IGSF11: variants seen among roughly 807,000 people sequenced by gnomAD.
IGSF11 encodes the protein immunoglobulin superfamily member 11.
A neutral mutation model predicts 41.0 loss-of-function variants in IGSF11; 22 were observed. The observed-to-expected ratio is 0.54, with a 90% confidence interval of 0.38 to 0.77. The LOEUF (loss-of-function observed/expected upper bound fraction) is 0.77. IGSF11 is among the 30% of genes least tolerant of loss of function. The probability of loss-of-function intolerance (pLI) is 0.00; values close to 1 mark genes in which losing one functional copy is unlikely to be tolerated. For missense variants in IGSF11, 444 were observed against 530.8 expected, an observed-to-expected ratio of 0.84 and a Z score of 1.61; for synonymous variants, 219 against 201.3, an observed-to-expected ratio of 1.09 and a Z score of -0.74.
At position 118,900,666 on chromosome 3, in the gene IGSF11, T is replaced by C. The variant is rs946984768; in HGVS notation, c.*1854A>G. 49 of 152,650 alleles carry C rather than the reference T, an allele frequency of 3.2e-4. No individual in the cohort carries two copies. Among genetic ancestry groups the C allele is most frequent in the African/African-American group, 1.1e-3 (47 of 41,566 alleles). The allele number at this position is 152,650 out of a possible 1,614,324, so 9.5% of individuals were successfully genotyped here. ...TAAAATTTTATTGAATTTTAGATAA[T>C]TAGAAAGAATAAAGAAATGCAAGAT... On this transcript the variant is annotated 3_prime_UTR_variant, in exon 7 of 7. Coordinates refer to ENST00000393775, the MANE Select transcript of IGSF11 (RefSeq NM_001015887.3).
chr3:118,908,514 C>T (rs1273822600), intron 4 of IGSF11, among the ~76,000 whole-genome samples: 2 of 152,184 alleles, frequency 1.3e-5, no homozygotes, highest in South Asian at 2.1e-4. Context: ...AACTAGCAGG[C>T]TAATTCTGCC....
chr3:119,128,765 A>C (rs1420254985), intron 1 of IGSF11, among the ~76,000 whole-genome samples: 1 of 152,224 alleles, frequency 6.6e-6, no homozygotes, highest in East Asian at 1.9e-4. Flanking sequence ...GCAATTCCTC[A>C]AGAATCTAGA....
intron 1 of IGSF11, among the ~76,000 whole-genome samples, chr3:119,120,363 G>T (rs1387126770): frequency 3.3e-5 from 5 of 152,208 alleles, no homozygotes; most frequent in African/African-American, 1.2e-4. Context: ...TTTGTCTGGG[G>T]TATATACCCT....
intron 1 of IGSF11, among the ~76,000 whole-genome samples, chr3:118,954,189 T>C (rs1944792083): frequency 6.6e-6 from 1 of 152,084 alleles, no homozygotes; most frequent in Admixed American, 6.6e-5. Flanking sequence ...TCTTTTTCTT[T>C]GCTTTGTTGA....
At chr3:119,055,547 C>T (rs1559840314) in intron 1 of IGSF11, among the ~76,000 whole-genome samples, 1 of 152,172 alleles carries the variant, frequency 6.6e-6, no homozygotes, top group Non-Finnish European at 1.5e-5. Context: ...CCACTGTCAA[C>T]ATTAGACAGA....
intron 1 of IGSF11, among the ~76,000 whole-genome samples, chr3:119,133,010 GA>G (rs1224616919): frequency 6.6e-6 from 1 of 152,134 alleles, no homozygotes; most frequent in Admixed American, 6.5e-5. Context: ...GATGTTCTTT[GA>G]AACCAATGAG....
intron 1 of IGSF11, among the ~76,000 whole-genome samples, chr3:119,025,590 T>C (rs1409128882): frequency 6.6e-6 from 1 of 152,108 alleles, no homozygotes; most frequent in African/African-American, 2.4e-5. Context: ...TTAAATAACA[T>C]TCTCAAAGTC....
At chr3:119,072,819 C>T (rs1337323310) in intron 1 of IGSF11, among the ~76,000 whole-genome samples, 2 of 152,104 alleles carry the variant, frequency 1.3e-5, no homozygotes, top group African/African-American at 2.4e-5. Flanking sequence ...GAAGGGGACC[C>T]GAGCAGGTTG....
At chr3:118,927,857 A>G (rs1249693362) in intron 3 of IGSF11, among the ~76,000 whole-genome samples, 2 of 152,246 alleles carry the variant, frequency 1.3e-5, no homozygotes, top group Non-Finnish European at 2.9e-5. Context: ...AGTGTGAGAC[A>G]GTCTAACAAC....
At chr3:118,992,974 C>T (rs1031089877) in intron 1 of IGSF11, among the ~76,000 whole-genome samples, 1 of 152,128 alleles carries the variant, frequency 6.6e-6, no homozygotes, top group East Asian at 1.9e-4. Flanking sequence ...ATCTAGAATA[C>T]CAGCACCTTG....
chr3:119,094,342 G>T (rs1270785299), intron 1 of IGSF11, among the ~76,000 whole-genome samples: 3 of 147,842 alleles, frequency 2.0e-5, no homozygotes, highest in Admixed American at 6.8e-5. Flanking sequence ...GAACAACAAG[G>T]TACTCCTATA....
At chr3:119,072,621 CA>C (rs1206063767) in intron 1 of IGSF11, among the ~76,000 whole-genome samples, 1 of 152,126 alleles carries the variant, frequency 6.6e-6, no homozygotes, top group East Asian at 1.9e-4. Context: ...GTAAGTGTTA[CA>C]GCTCTTAAGG....
intron 1 of IGSF11, among the ~76,000 whole-genome samples, chr3:118,946,447 A>T (rs1469212527): frequency 3.5e-5 from 4 of 112,994 alleles, no homozygotes; most frequent in South Asian, 4.6e-4. Context: ...TATTTTACTT[A>T]AAAAAAAAAA....
chr3:118,985,813 C>A (rs1348555879), intron 1 of IGSF11, among the ~76,000 whole-genome samples: 1 of 152,156 alleles, frequency 6.6e-6, no homozygotes, highest in Non-Finnish European at 1.5e-5. Flanking sequence ...GCACCAGCTT[C>A]TTGATATGTC....
At chr3:119,002,115 A>G (rs1380774994) in intron 1 of IGSF11, among the ~76,000 whole-genome samples, 1 of 135,576 alleles carries the variant, frequency 7.4e-6, no homozygotes, top group Non-Finnish European at 1.6e-5. Context: ...CTATTTCTCC[A>G]CATCCTCTCC....
chr3:119,078,944 A>T (rs1468738819), intron 1 of IGSF11, among the ~76,000 whole-genome samples: 5 of 152,214 alleles, frequency 3.3e-5, no homozygotes, highest in Non-Finnish European at 7.3e-5. Context: ...TCAAAAGAAG[A>T]CATACAAGTG....
At chr3:118,976,090 T>C (rs961864325) in intron 1 of IGSF11, among the ~76,000 whole-genome samples, 33 of 152,114 alleles carry the variant, frequency 2.2e-4, no homozygotes, top group African/African-American at 6.5e-4. Flanking sequence ...CAGCCTTAAC[T>C]AAATTCAAGT....
intron 1 of IGSF11, among the ~76,000 whole-genome samples, chr3:119,076,992 C>A (rs901871657): frequency 3.9e-5 from 6 of 152,138 alleles, no homozygotes; most frequent in African/African-American, 1.4e-4. Flanking sequence ...TGGCACTATT[C>A]ACAATAGCAA....
At chr3:118,905,830 T>A (rs912493490) in intron 4 of IGSF11, 112 bp from the exon 5 acceptor site, 1 of 1,251,706 alleles carries the variant, frequency 8.0e-7, no homozygotes. Flanking sequence ...TCAATAAATT[T>A]CTTTTTTGTG....
Sources: gnomAD v4.1 joint callset for allele counts (sites outside exome capture counted in the v4.1 genomes callset) on GRCh38, gnomAD v4.1.1 for gene constraint, MANE v1.5 for transcripts, NCBI Gene and HGNC (gene_info 2026-07-23, HGNC 2026-07-21) for gene names.